COL14A1: variants seen among roughly 807,000 people sequenced by gnomAD.
COL14A1 encodes the protein collagen alpha-1(XIV) chain.
COL14A1 carries 136 observed loss-of-function variants against 230.3 expected under a neutral mutation model. The ratio of observed to expected loss-of-function variants is 0.59; its 90% CI spans 0.51 to 0.68. COL14A1 has a LOEUF of 0.68. Ranked by LOEUF, COL14A1 falls within the 30% of genes least tolerant of loss-of-function variation. COL14A1 has a pLI of 0.00. For missense variants in COL14A1, 1,976 were observed against 2,215.8 expected, an observed-to-expected ratio of 0.89 and a Z score of 2.17; for synonymous variants, 792 against 784.1, an observed-to-expected ratio of 1.01 and a Z score of -0.17.
At chr8:120,276,843 A>AT (rs1418071567) in intron 26 of COL14A1, among the ~76,000 whole-genome samples, 2 of 151,682 alleles carry the variant, frequency 1.3e-5, no homozygotes. Context: ...ATAATAAAAA[A>AT]AAATAAAATA....
chr8:120,219,417 A>C (rs1251391124), intron 14 of COL14A1, among the ~76,000 whole-genome samples: 1 of 152,178 alleles, frequency 6.6e-6, no homozygotes, highest in Non-Finnish European at 1.5e-5. Flanking sequence ...GAAACTTACC[A>C]ATGACAGAAA....
intron 33 of COL14A1, among the ~76,000 whole-genome samples, chr8:120,288,985 G>A (rs192929769): frequency 8.5e-5 from 13 of 152,112 alleles, no homozygotes; most frequent in African/African-American, 2.7e-4. Context: ...CAGATTTTAC[G>A]AGTCCTTACA....
intron 45 of COL14A1, among the ~76,000 whole-genome samples, chr8:120,354,612 C>A (rs1822913220): frequency 6.6e-6 from 1 of 152,160 alleles, no homozygotes; most frequent in African/African-American, 2.4e-5. Flanking sequence ...TCTCTCTCTT[C>A]AGTAACCCTT....
chr8:120,178,155 T>C (rs1267998097), intron 5 of COL14A1, among the ~76,000 whole-genome samples: 1 of 152,126 alleles, frequency 6.6e-6, no homozygotes, highest in Non-Finnish European at 1.5e-5. Flanking sequence ...TACGTAGGTA[T>C]ACACGTGGCA....
intron 47 of COL14A1, chr8:120,370,899 A>G: frequency 8.3e-7 from 1 of 1,205,956 alleles, no homozygotes; most frequent in Non-Finnish European, 1.1e-6. Context: ...TCTTCTGTAA[A>G]TAAAACATAA....
At chr8:120,247,289 G>T (rs1818795320) in intron 20 of COL14A1, among the ~76,000 whole-genome samples, 1 of 152,160 alleles carries the variant, frequency 6.6e-6, no homozygotes, top group African/African-American at 2.4e-5. Context: ...CAGACGTGGT[G>T]GTACGTGCCT....
chr8:120,286,558 G>A (rs1820209985), intron 33 of COL14A1, among the ~76,000 whole-genome samples: 1 of 152,040 alleles, frequency 6.6e-6, no homozygotes, highest in Admixed American at 6.5e-5. Context: ...TGCCCAGGCT[G>A]GAGTGCAGTG....
intron 5 of COL14A1, among the ~76,000 whole-genome samples, chr8:120,193,402 T>A (rs1193423153): frequency 6.6e-6 from 1 of 152,200 alleles, no homozygotes; most frequent in Non-Finnish European, 1.5e-5. Flanking sequence ...ATCGTTCCTC[T>A]GGAAGTTTTG....
chr8:120,224,610 T>A (rs1465169908), intron 14 of COL14A1, among the ~76,000 whole-genome samples: 1 of 152,242 alleles, frequency 6.6e-6, no homozygotes, highest in African/African-American at 2.4e-5. Context: ...TCACCAAATA[T>A]GTCTTTCTGT....
chr8:120,165,068 C>T (rs899424452), intron 4 of COL14A1, among the ~76,000 whole-genome samples: 22 of 152,112 alleles, frequency 1.4e-4, no homozygotes, highest in Non-Finnish European at 2.8e-4. Flanking sequence ...AATATGCAAG[C>T]GTGTATGTTT....
chr8:120,341,622 G>A (rs887806078), intron 43 of COL14A1, among the ~76,000 whole-genome samples: 1 of 152,114 alleles, frequency 6.6e-6, no homozygotes, highest in Non-Finnish European at 1.5e-5. Context: ...TTTCTTTAAG[G>A]ATAAAATGGA....
chr8:120,299,722 T>A (rs1820653846), intron 35 of COL14A1, among the ~76,000 whole-genome samples: 1 of 152,114 alleles, frequency 6.6e-6, no homozygotes, highest in African/African-American at 2.4e-5. Flanking sequence ...GGGTTTGAAC[T>A]GAAATATTTT....
At chr8:120,144,232 T>A (rs1197938306) in intron 1 of COL14A1, among the ~76,000 whole-genome samples, 2 of 152,214 alleles carry the variant, frequency 1.3e-5, no homozygotes, top group Non-Finnish European at 2.9e-5. Flanking sequence ...TCAAATGTAG[T>A]ATCATTATTA....
chr8:120,321,712 C>T (rs1414465389), intron 40 of COL14A1, among the ~76,000 whole-genome samples: 1 of 151,892 alleles, frequency 6.6e-6, no homozygotes, highest in Non-Finnish European at 1.5e-5. Flanking sequence ...ATAGTAACAT[C>T]TGCTTTGCAC....
chr8:120,141,311 G>A (rs1480815653), intron 1 of COL14A1, among the ~76,000 whole-genome samples: 1 of 152,160 alleles, frequency 6.6e-6, no homozygotes, highest in Non-Finnish European at 1.5e-5. Flanking sequence ...GAGAGTCTGA[G>A]AAGGGGGAGT....
intron 40 of COL14A1, among the ~76,000 whole-genome samples, chr8:120,329,321 T>G (rs192365978): frequency 1.7e-3 from 263 of 152,172 alleles, no homozygotes; most frequent in Non-Finnish European, 1.4e-3. Context: ...TTAACATAAT[T>G]TATTGGCTGG....
intron 45 of COL14A1, among the ~76,000 whole-genome samples, chr8:120,349,510 A>T (rs1425627553): frequency 8.8e-6 from 1 of 114,224 alleles, no homozygotes; most frequent in East Asian, 2.3e-4. Flanking sequence ...AAAATGTATA[A>T]CTAGAATAAC....
chr8:120,145,615 C>T (rs1469284508), intron 1 of COL14A1, among the ~76,000 whole-genome samples: 2 of 152,116 alleles, frequency 1.3e-5, no homozygotes, highest in Non-Finnish European at 2.9e-5. Flanking sequence ...GAGACTCTGT[C>T]TCAAAACAAA....
At chr8:120,196,466 T>A (rs969227764) in intron 5 of COL14A1, among the ~76,000 whole-genome samples, 1 of 152,192 alleles carries the variant, frequency 6.6e-6, no homozygotes, top group Non-Finnish European at 1.5e-5. Context: ...AGACCTTTCC[T>A]GGAAAGAATC....
Sources: allele counts gnomAD v4.1 joint callset (sites outside exome capture counted in the v4.1 genomes callset), GRCh38; gene constraint gnomAD v4.1.1; transcripts MANE v1.5; gene names NCBI Gene and HGNC (gene_info 2026-07-23, HGNC 2026-07-21).